Variants in OSBPL8 observed in about 807,000 individuals in gnomAD.
OSBPL8 encodes oxysterol binding protein like 8.
Under a neutral mutation model 125.5 loss-of-function variants are expected in OSBPL8, and 59 were observed. The ratio of observed to expected loss-of-function variants is 0.47; its 90% CI spans 0.38 to 0.58. OSBPL8 has a LOEUF of 0.58. OSBPL8 is among the 20% of genes least tolerant of loss of function. The pLI is 0.00. For synonymous variants in OSBPL8, 330 were observed against 338.9 expected, an observed-to-expected ratio of 0.97 and a Z score of 0.29; for missense variants, 758 against 1,047.8, an observed-to-expected ratio of 0.72 and a Z score of 3.82.
intron 4 of OSBPL8, among the ~76,000 whole-genome samples, chr12:76,446,298 A>G (rs1872715621): frequency 6.6e-6 from 1 of 152,226 alleles, no homozygotes. Context: ...CCAGCAGTTA[A>G]TCTTCACCAT....
In OSBPL8 at chr12:76,367,257, T is replaced by TAC. The variant is rs1952456371; in HGVS notation, c.2328+1956_2328+1957insGT. 1.3e-4 allele frequency among the ~76,000 whole-genome samples: 20 copies of TAC among 151,996 alleles called. No homozygotes were observed. The East Asian group carries it at 3.7e-3, about 28-fold the overall frequency. On this transcript the variant is annotated intron_variant, in intron 21 of 23. Coordinates refer to ENST00000261183, the MANE Select transcript of OSBPL8 (RefSeq NM_020841.5). ...GTGTGTGTGTGTGTGTGTGTGTGTG[T>TAC]ATGAATTGACCCTTTTATCAATACG...
At chr12:76,492,949 TTTCA>T (rs1464150073) in intron 1 of OSBPL8, among the ~76,000 whole-genome samples, 3 of 151,806 alleles carry the variant, frequency 2.0e-5, no homozygotes, top group Non-Finnish European at 4.4e-5. Context: ...TTTTTTTTGC[TTTCA>T]TTGTGTGCAC....
intron 4 of OSBPL8, among the ~76,000 whole-genome samples, chr12:76,430,384 G>GAAAAATGGC: frequency 6.6e-6 from 1 of 152,226 alleles, no homozygotes; most frequent in South Asian, 2.1e-4. Flanking sequence ...CATGGGTCCA[G>GAAAAATGGC]AAAAATGGCA....
At chr12:76,413,649 T>C (rs1355905716) in intron 4 of OSBPL8, among the ~76,000 whole-genome samples, 1 of 152,214 alleles carries the variant, frequency 6.6e-6, no homozygotes, top group Non-Finnish European at 1.5e-5. Flanking sequence ...GGCAGTCTGG[T>C]GGATGCACAG....
Position 76,459,876 on chromosome 12 carries a change from T to C in OSBPL8, c.62A>G (p.Asp21Gly). ...DRTSLLGDSK[D>G]VLGPSTVVAN... The stretch of plus-strand genomic sequence containing the variant: ...CTACTTACTTGATGGCCCAAGGACA[T>C]CTTTGCTATCACCAAGAAGCTTTTA... Residue 21 changes from aspartate (D) to glycine (G), a missense_variant, in exon 3 of 24, where the codon GAT becomes GGT. Transcript: ENST00000261183. The C allele has an allele frequency of 6.2e-7, 1 of 1,613,828 alleles. No individual in the cohort carries two copies. Among genetic ancestry groups the C allele is most frequent in the Non-Finnish European group, 8.5e-7 (1 of 1,179,960 alleles).
chr12:76,379,550 G>A (rs748784675), intron 15 of OSBPL8, among the ~76,000 whole-genome samples: 3 of 152,096 alleles, frequency 2.0e-5, no homozygotes, highest in Non-Finnish European at 4.4e-5. Context: ...CTTAGCCCCA[G>A]GACACCAATG....
At chr12:76,375,227 A>G (rs779859129) in intron 17 of OSBPL8, 46 bp downstream of exon 17, 1 of 1,277,014 alleles carries the variant, frequency 7.8e-7, no homozygotes, top group Non-Finnish European at 1.1e-6. Context: ...TATTTATTGT[A>G]TGGCTCTCCT....
intron 1 of OSBPL8, among the ~76,000 whole-genome samples, chr12:76,529,440 T>C (rs1416586017): frequency 6.6e-6 from 1 of 151,286 alleles, no homozygotes; most frequent in African/African-American, 2.4e-5. Flanking sequence ...TTTGAGCCTC[T>C]AAACCATGAA....
chr12:76,447,639 G>A (rs1230176087), intron 4 of OSBPL8, among the ~76,000 whole-genome samples: 3 of 152,050 alleles, frequency 2.0e-5, no homozygotes, highest in Admixed American at 6.6e-5. Context: ...TGCCTCCCAG[G>A]TTCAAGTGAT....
At position 76,352,707 on chromosome 12, in the gene OSBPL8, C is replaced by T. The variant is rs1020696714; in HGVS notation, c.*3182G>A. On this transcript the variant is annotated 3_prime_UTR_variant, in exon 24 of 24. Coordinates refer to ENST00000261183, the MANE Select transcript of OSBPL8 (RefSeq NM_020841.5). ...CCATCATCACTGTATGTCAAACAAC[C>T]TCACTGCTTACTAGAAATGCTAAAC... 1 of 152,510 alleles carries T rather than the reference C, an allele frequency of 6.6e-6. No homozygotes were observed. Among genetic ancestry groups the T allele is most frequent in the Non-Finnish European group, 1.5e-5 (1 of 67,958 alleles). The allele number at this position is 152,510 out of a possible 1,614,324, so 9.4% of individuals were successfully genotyped here.
intron 1 of OSBPL8, among the ~76,000 whole-genome samples, chr12:76,535,457 G>GT (rs1950467555): frequency 6.6e-6 from 1 of 152,120 alleles, no homozygotes; most frequent in Non-Finnish European, 1.5e-5. Context: ...AACTGAAAAT[G>GT]TAAGTGTTGA....
At chr12:76,517,595 T>C (rs1434118282) in intron 1 of OSBPL8, among the ~76,000 whole-genome samples, 3 of 152,216 alleles carry the variant, frequency 2.0e-5, no homozygotes, top group Non-Finnish European at 2.9e-5. Flanking sequence ...AAAATTCCGT[T>C]ATGTACTAGT....
intron 4 of OSBPL8, among the ~76,000 whole-genome samples, chr12:76,420,169 A>G (rs1161066439): frequency 6.6e-6 from 1 of 152,184 alleles, no homozygotes; most frequent in Non-Finnish European, 1.5e-5. Context: ...ATCTACAAAT[A>G]AAGATTTTAT....
rs1953306010 is a variant in OSBPL8, at chr12:76,386,265, C to G, written c.1436G>C (p.Gly479Ala). 1 of 1,515,676 alleles carries G rather than the reference C, an allele frequency of 6.6e-7. No individual in the cohort carries two copies. The highest frequency in any genetic ancestry group is 8.8e-7 in the Non-Finnish European group (1 of 1,141,694). The allele number at this position is 1,515,676 out of a possible 1,614,324, so 93.9% of individuals were successfully genotyped here. ...TATAGGATTATAAGGTTTCTTCAGT[C>G]CCTGGTAAAAAAAAAAAAAAGCAAT... is the stretch of plus-strand genomic sequence containing the variant. ...YLSGFYKKPKGLKKPYNPILG... is the reference protein window; with the variant it reads ...YLSGFYKKPKALKKPYNPILG... The change falls in exon 14 of 24, where the codon GGA becomes GCA. Residue 479 changes from glycine to alanine, a missense_variant and splice_region_variant. Physicochemically the swap from Gly to Ala is moderately conservative, Grantham distance 60. Coordinates refer to ENST00000261183, the MANE Select transcript of OSBPL8 (RefSeq NM_020841.5).
intron 4 of OSBPL8, among the ~76,000 whole-genome samples, chr12:76,440,103 T>C (rs1871995821): frequency 6.6e-6 from 1 of 152,168 alleles, no homozygotes; most frequent in Admixed American, 6.5e-5. Context: ...TTGGGAATTG[T>C]GGGGCCTCCT....
At position 76,384,092 on chromosome 12, in the gene OSBPL8, CTTTA is replaced by C. The variant is rs151208632; in HGVS notation, c.1630+158_1630+161del. ...TATGTGATGAATACATAAGCCACAC[CTTTA>C]TTTATGAGTGGGCAGAAAAAAGCCA... On this transcript the variant is annotated intron_variant, in intron 15 of 23. Coordinates refer to ENST00000261183, the MANE Select transcript of OSBPL8 (RefSeq NM_020841.5). Among the ~76,000 whole-genome samples, 1,312 of 152,286 alleles carry C rather than the reference CTTTA, an allele frequency of 8.6e-3. 22 individuals carry two copies. The highest frequency in any genetic ancestry group is 0.03 in the African/African-American group (1,254 of 41,548).
chr12:76,473,652 T>C (rs1430753260), intron 2 of OSBPL8, among the ~76,000 whole-genome samples: 1 of 152,234 alleles, frequency 6.6e-6, no homozygotes, highest in Non-Finnish European at 1.5e-5. Context: ...TTTGCCATGC[T>C]GATATTCCTA....
At chr12:76,450,679 T>C (rs1310247028) in intron 4 of OSBPL8, among the ~76,000 whole-genome samples, 172 bp downstream of exon 4, 1 of 152,016 alleles carries the variant, frequency 6.6e-6, no homozygotes, top group East Asian at 1.9e-4. Context: ...AAGGAAAGTG[T>C]ACTCATTTCA....
At chr12:76,439,379 CAA>C (rs1000663742) in intron 4 of OSBPL8, among the ~76,000 whole-genome samples, 1 of 135,244 alleles carries the variant, frequency 7.4e-6, no homozygotes. Context: ...ACTCCATCTC[CAA>C]AAAAAAAAAA....
Sources: allele counts gnomAD v4.1 joint callset (sites outside exome capture counted in the v4.1 genomes callset), GRCh38; gene constraint gnomAD v4.1.1; transcripts MANE v1.5; gene names NCBI Gene and HGNC (gene_info 2026-07-23, HGNC 2026-07-21).